PKHD1: variants seen among roughly 807,000 people sequenced by gnomAD.
PKHD1 encodes fibrocystin.
In PKHD1, 291 loss-of-function variants were observed where a neutral mutation model predicts 412.0. That is an observed-to-expected ratio of 0.71 (90% CI 0.64 to 0.78). The LOEUF (loss-of-function observed/expected upper bound fraction) is 0.78, where lower values mean the gene tolerates loss of function less well. Ranked by LOEUF, PKHD1 falls within the 30% of genes least tolerant of loss-of-function variation. The probability of loss-of-function intolerance (pLI) is 0.00; values close to 1 mark genes in which losing one functional copy is unlikely to be tolerated. For synonymous variants in PKHD1, 1,777 were observed against 1,821.5 expected, an observed-to-expected ratio of 0.98 and a Z score of 0.62; for missense variants, 4,825 against 4,950.7, an observed-to-expected ratio of 0.97 and a Z score of 0.76.
chr6:51,896,203 C>T (rs1247917230), intron 43 of PKHD1, among the ~76,000 whole-genome samples: 5 of 151,418 alleles, frequency 3.3e-5, no homozygotes, highest in Non-Finnish European at 5.9e-5. Context: ...GTAGGCTCCA[C>T]CTCTGGGGGC....
rs765892491 is a variant in PKHD1, at chr6:51,748,623, G to A, written c.8993C>T (p.Ser2998Leu). ...GAATTCAACAGATGAGTACAATGGT[G>A]ACCCGAAGTTCTGAATTTCCACATT... ...LLNVEIQNFG[S>L]PLYSSVEFSN... The change falls in exon 58 of 67, where the codon TCA (serine) becomes TTA (leucine). Residue 2998 changes from serine (S) to leucine (L), a missense_variant. By Grantham distance (145) the Ser-to-Leu change is moderately radical. Transcript: ENST00000371117. The A allele has an allele frequency of 1.2e-6, 2 of 1,613,596 alleles. No individual in the cohort carries two copies. Among genetic ancestry groups the A allele is most frequent in the Non-Finnish European group, 1.7e-6 (2 of 1,179,656 alleles).
chr6:51,835,927 G>A (rs75946797), intron 51 of PKHD1, among the ~76,000 whole-genome samples: 276 of 152,322 alleles, frequency 1.8e-3, no homozygotes, highest in Middle Eastern at 3.4e-3. Flanking sequence ...AAATACATCA[G>A]AAGGTGCTTA....
intron 57 of PKHD1, 85 bp from the exon 58 acceptor site, chr6:51,748,750 A>G: frequency 9.3e-7 from 1 of 1,077,560 alleles, no homozygotes; most frequent in East Asian, 2.4e-5. Context: ...TTAAGATATG[A>G]ACATTTTTAA....
chr6:51,863,734 A>G (rs1317167643), intron 48 of PKHD1, among the ~76,000 whole-genome samples: 1 of 152,156 alleles, frequency 6.6e-6, no homozygotes, highest in Non-Finnish European at 1.5e-5. Context: ...TGGAGATAGC[A>G]TTTTACTCCT....
At chr6:51,874,331 T>C (rs1776495155) in intron 46 of PKHD1, among the ~76,000 whole-genome samples, 1 of 152,140 alleles carries the variant, frequency 6.6e-6, no homozygotes, top group Non-Finnish European at 1.5e-5. Flanking sequence ...GCTGGGACAA[T>C]AGGTATAAAC....
intron 43 of PKHD1, among the ~76,000 whole-genome samples, chr6:51,898,173 A>G (rs1324505184): frequency 6.6e-6 from 1 of 152,186 alleles, no homozygotes; most frequent in African/African-American, 2.4e-5. Context: ...CCTAATAGAC[A>G]TCTACAGAAC....
intron 53 of PKHD1, among the ~76,000 whole-genome samples, chr6:51,790,125 C>T (rs1197785465): frequency 6.6e-6 from 1 of 152,084 alleles, no homozygotes; most frequent in Non-Finnish European, 1.5e-5. Context: ...TTCATGCTAC[C>T]TAACAAGGAT....
intron 63 of PKHD1, among the ~76,000 whole-genome samples, chr6:51,641,433 ACACTGTTG>A (rs1769333587): frequency 6.6e-5 from 10 of 152,246 alleles, no homozygotes; most frequent in African/African-American, 2.4e-4. Context: ...TAATCCTTTT[ACACTGTTG>A]GTGGGAGTGT....
intron 52 of PKHD1, among the ~76,000 whole-genome samples, chr6:51,792,617 G>A (rs189653928): frequency 1.3e-5 from 2 of 152,308 alleles, no homozygotes; most frequent in African/African-American, 4.8e-5. Context: ...TGACTGAGTT[G>A]TAGCCAATAA....
intron 60 of PKHD1, among the ~76,000 whole-genome samples, chr6:51,723,466 G>A (rs1719145729): frequency 6.6e-6 from 1 of 152,146 alleles, no homozygotes; most frequent in South Asian, 2.1e-4. Flanking sequence ...CTGTCACACA[G>A]ATCAATGTCA....
At chr6:52,010,608 C>T in intron 34 of PKHD1, 149 bp from the exon 35 acceptor site, 1 of 682,014 alleles carries the variant, frequency 1.5e-6, no homozygotes, top group Non-Finnish European at 2.6e-6. Flanking sequence ...ATTTTGTTTC[C>T]ATTCTTTTAT....
chr6:51,732,223 T>A (rs1052344059), intron 60 of PKHD1, among the ~76,000 whole-genome samples: 1 of 152,188 alleles, frequency 6.6e-6, no homozygotes, highest in Non-Finnish European at 1.5e-5. Flanking sequence ...ATGGTTAATA[T>A]TCAGTTCTTA....
chr6:51,807,224 C>T (rs1000520977), intron 52 of PKHD1, among the ~76,000 whole-genome samples: 6 of 151,328 alleles, frequency 4.0e-5, no homozygotes, highest in Non-Finnish European at 8.8e-5. Context: ...GTCAGGAGCT[C>T]GAGACTAGTC....
chr6:51,848,836 A>C (rs1771669825), intron 49 of PKHD1, among the ~76,000 whole-genome samples: 1 of 152,070 alleles, frequency 6.6e-6, no homozygotes, highest in Admixed American at 6.5e-5. Flanking sequence ...TATGAAAATA[A>C]GCTTAGGGAA....
Position 51,619,365 on chromosome 6 carries a change from T to C in PKHD1, c.11941A>G (p.Ile3981Val), listed in dbSNP as rs772405476. 6.2e-7 allele frequency: 1 copy of C among 1,614,182 alleles called. No homozygotes were observed. Among genetic ancestry groups the C allele is most frequent in the South Asian group, 1.1e-5 (1 of 91,084 alleles). Reference sequence around the variant, plus strand: ...TGAGCAGGAGCACCTGGAGCACAGATGTGCCCATGGGATGTGATGCCAGTA... The same window carrying C: ...TGAGCAGGAGCACCTGGAGCACAGACGTGCCCATGGGATGTGATGCCAGTA... The part of the protein sequence containing the change: ...GTTGITSHGH[I>V]CAPGAPAQQV... Residue 3981 changes from isoleucine to valine, a missense_variant, in exon 67 of 67, where the codon ATC (isoleucine) becomes GTC (valine). Transcript: ENST00000371117.
At chr6:51,777,268 A>C (rs1169536137) in intron 53 of PKHD1, among the ~76,000 whole-genome samples, 1 of 152,150 alleles carries the variant, frequency 6.6e-6, no homozygotes. Context: ...CTGGATAGCC[A>C]AAAGGCACAA....
chr6:52,083,975 A>G (rs79651470), intron 2 of PKHD1, among the ~76,000 whole-genome samples: 3,858 of 152,210 alleles, frequency 0.025, 49 homozygotes, highest in South Asian at 0.037. Context: ...TTGTTTAAAA[A>G]AAAAAAAGGC....
At chr6:52,058,744 C>G in intron 15 of PKHD1, 143 bp from the exon 16 acceptor site, 1 of 750,408 alleles carries the variant, frequency 1.3e-6, no homozygotes, top group Non-Finnish European at 2.3e-6. Flanking sequence ...TTACCTCAGC[C>G]CTGTGGTTAT....
intron 6 of PKHD1, among the ~76,000 whole-genome samples, chr6:52,074,734 G>A (rs138202416): frequency 2.6e-4 from 39 of 152,214 alleles, no homozygotes; most frequent in Admixed American, 3.9e-4. Flanking sequence ...AGAAAGCATC[G>A]TCTCTCTTGT....
Sources: allele counts gnomAD v4.1 joint callset (sites outside exome capture counted in the v4.1 genomes callset), GRCh38; gene constraint gnomAD v4.1.1; transcripts MANE v1.5; gene names NCBI Gene and HGNC (gene_info 2026-07-23, HGNC 2026-07-21).